Variants in FHL2 observed in about 807,000 individuals in gnomAD.
FHL2 encodes four and a half LIM domains protein 2.
A neutral mutation model predicts 32.7 loss-of-function variants in FHL2; 20 were observed. The ratio of observed to expected loss-of-function variants is 0.61; its 90% CI spans 0.43 to 0.89. FHL2 has a LOEUF of 0.89. Among genes scored for constraint, FHL2 ranks in the 40% least tolerant of loss-of-function variants. The pLI is 0.00. For synonymous variants in FHL2, 123 were observed against 128.1 expected (o/e 0.96, Z 0.27); for missense variants, 311 against 358.6 (o/e 0.87, Z 1.07).
intron 1 of FHL2, among the ~76,000 whole-genome samples, chr2:105,428,148 C>T (rs1056360324): frequency 2.0e-5 from 3 of 152,174 alleles, no homozygotes; most frequent in African/African-American, 4.8e-5. Flanking sequence ...GAGGGTGGCC[C>T]CTAGTCTTTC....
At chr2:105,408,689 G>A (rs1300637229) in intron 1 of FHL2, among the ~76,000 whole-genome samples, 3 of 152,220 alleles carry the variant, frequency 2.0e-5, no homozygotes, top group Non-Finnish European at 4.4e-5. Flanking sequence ...CCTGATCCTA[G>A]ATGCAGAGTT....
chr2:105,359,079 G>T (rs1481965624), downstream of FHL2: 1 of 152,122 alleles, frequency 6.6e-6, no homozygotes, highest in Non-Finnish European at 1.5e-5. Context: ...TCCAATATCT[G>T]CCTGCTTTGG....
chr2:105,392,428 C>G (rs1682795598), intron 2 of FHL2, among the ~76,000 whole-genome samples: 1 of 152,038 alleles, frequency 6.6e-6, no homozygotes, highest in Admixed American at 6.5e-5. Flanking sequence ...GCCATGATAG[C>G]ATCACTGCTC....
intron 1 of FHL2, among the ~76,000 whole-genome samples, chr2:105,412,673 G>C (rs1208116436): frequency 6.6e-6 from 1 of 152,236 alleles, no homozygotes; most frequent in Admixed American, 6.5e-5. Context: ...CTCCAGGGGA[G>C]CCTAAGGTTT....
intron 3 of FHL2, chr2:105,376,296 C>T (rs930440740): frequency 1.2e-4 from 19 of 152,132 alleles, no homozygotes; most frequent in Admixed American, 9.2e-4. Context: ...AAATCCTGGT[C>T]GGGTCTGTGT....
At chr2:105,389,265 G>T (rs1461162511) in intron 2 of FHL2, among the ~76,000 whole-genome samples, 5 of 152,206 alleles carry the variant, frequency 3.3e-5, no homozygotes, top group African/African-American at 1.2e-4. Flanking sequence ...GAAGCCCAAC[G>T]TATAAATATC....
intron 5 of FHL2, among the ~76,000 whole-genome samples, 187 bp from the exon 6 acceptor site, chr2:105,363,658 A>G (rs1180589398): frequency 6.6e-6 from 1 of 152,200 alleles, no homozygotes; most frequent in Non-Finnish European, 1.5e-5. Context: ...TTCCAGTGTC[A>G]TAGGCCCTGG....
At chr2:105,396,446 T>C (rs1683135712) in intron 2 of FHL2, among the ~76,000 whole-genome samples, 1 of 152,192 alleles carries the variant, frequency 6.6e-6, no homozygotes, top group Non-Finnish European at 1.5e-5. Context: ...ACTCACATTA[T>C]GGAGAGCAGC....
rs1573266582 is a variant in FHL2, at chr2:105,361,292, T to C, written c.831A>G (p.Lys277=). 2 of 1,613,070 alleles carry C rather than the reference T, an allele frequency of 1.2e-6. No individual in the cohort carries two copies. Among genetic ancestry groups the C allele is most frequent in the Admixed American group, 3.3e-5 (2 of 59,760 alleles). The change falls in exon 7 of 7, where the codon AAA becomes AAG. Residue 277 remains lysine (K), a synonymous_variant. Coordinates refer to ENST00000530340, the MANE Select transcript of FHL2 (RefSeq NM_001318895.3). The stretch of plus-strand genomic sequence containing the variant: ...CTTCTCTGTGTTGAATTCAGATGTC[T>C]TTCCCACAGTCGGGGCACAGGATGT... The part of the protein sequence containing the change: ...RDDILCPDCG[K]DI
intron 1 of FHL2, among the ~76,000 whole-genome samples, chr2:105,433,203 A>G (rs1684489351): frequency 1.3e-5 from 2 of 149,438 alleles, no homozygotes; most frequent in South Asian, 4.2e-4. Flanking sequence ...TTTTTTGAGA[A>G]GGAGTCTCTC....
upstream of FHL2, chr2:105,399,275 T>G (rs1467877827): frequency 5.9e-6 from 9 of 1,535,550 alleles, no homozygotes; most frequent in Non-Finnish European, 7.8e-6. Flanking sequence ...GGGAGCACAG[T>G]AGTTATCGGG....
upstream of FHL2, chr2:105,399,393 G>A: frequency 1.3e-6 from 2 of 1,536,130 alleles, no homozygotes; most frequent in African/African-American, 2.7e-5. Context: ...AGGAGCGGGA[G>A]ACTGGAGAAG....
intron 1 of FHL2, chr2:105,396,919 G>A (rs981100235): frequency 2.5e-5 from 13 of 527,854 alleles, no homozygotes; most frequent in South Asian, 1.1e-4. Context: ...ACTCAGGCCC[G>A]GTGCTGACAA....
chr2:105,437,711 A>G (rs1305282857), intron 1 of FHL2, among the ~76,000 whole-genome samples: 1 of 152,234 alleles, frequency 6.6e-6, no homozygotes, highest in African/African-American at 2.4e-5. Flanking sequence ...ATTATCATAT[A>G]TATGGCATCC....
At chr2:105,421,094 A>T (rs970335597) in intron 1 of FHL2, among the ~76,000 whole-genome samples, 1 of 152,220 alleles carries the variant, frequency 6.6e-6, no homozygotes, top group African/African-American at 2.4e-5. Context: ...CATGAGACAG[A>T]TGCAGTTTAT....
chr2:105,399,631 C>T (rs1683389402), upstream of FHL2: 2 of 1,510,480 alleles, frequency 1.3e-6, no homozygotes, highest in African/African-American at 1.4e-5. Context: ...ACTAGTTAGA[C>T]ATCTTGGATT....
At chr2:105,366,004 G>A (rs1261093839) in intron 5 of FHL2, among the ~76,000 whole-genome samples, 1 of 151,916 alleles carries the variant, frequency 6.6e-6, no homozygotes, top group South Asian at 2.1e-4. Flanking sequence ...CAGGAGTTCC[G>A]AGATCAGCCT....
upstream of FHL2, among the ~76,000 whole-genome samples, chr2:105,404,066 A>T (rs1683556140): frequency 6.6e-6 from 1 of 152,176 alleles, no homozygotes; most frequent in Admixed American, 6.5e-5. Context: ...TCCTACCCGG[A>T]TGGGGGCTAC....
intron 1 of FHL2, among the ~76,000 whole-genome samples, chr2:105,424,257 C>G (rs1005468554): frequency 6.6e-6 from 1 of 152,146 alleles, no homozygotes; most frequent in African/African-American, 2.4e-5. Flanking sequence ...ATTTATGCAG[C>G]CAACAGACAC....
Sources: gnomAD v4.1 joint callset for allele counts (sites outside exome capture counted in the v4.1 genomes callset) on GRCh38, gnomAD v4.1.1 for gene constraint, MANE v1.5 for transcripts, NCBI Gene and HGNC (gene_info 2026-07-23, HGNC 2026-07-21) for gene names.